Variants in MTHFD2L observed in about 807,000 individuals in gnomAD.
The protein encoded by MTHFD2L is methylenetetrahydrofolate dehydrogenase (NADP+ dependent) 2 like, also known as bifunctional methylenetetrahydrofolate dehydrogenase/cyclohydrolase 2, mitochondrial.
A neutral mutation model predicts 34.9 loss-of-function variants in MTHFD2L; 29 were observed. The observed-to-expected ratio is 0.83, with a 90% CI of 0.62 to 1.13. MTHFD2L has a LOEUF of 1.13. Ranked by LOEUF, MTHFD2L falls within the 50% of genes most tolerant of loss-of-function variation. The pLI is 0.00. For synonymous variants in MTHFD2L, 167 were observed against 155.7 expected (o/e 1.07, Z -0.54); for missense variants, 481 against 446.5 (o/e 1.08, Z -0.70).
intron 6 of MTHFD2L, among the ~76,000 whole-genome samples, chr4:74,233,658 G>A (rs1168448267): frequency 6.6e-6 from 1 of 151,984 alleles, no homozygotes; most frequent in Non-Finnish European, 1.5e-5. Context: ...AATATAGACT[G>A]TACAAAAACA....
At chr4:74,154,456 T>G (rs1004058911), upstream of MTHFD2L, among the ~76,000 whole-genome samples, 6 of 152,092 alleles carry the variant, frequency 3.9e-5, no homozygotes, top group Admixed American at 3.9e-4. Flanking sequence ...TCTCCCATAT[T>G]TATTTATTTA....
intron 7 of MTHFD2L, among the ~76,000 whole-genome samples, chr4:74,301,429 C>T (rs966098241): frequency 2.6e-5 from 4 of 151,836 alleles, no homozygotes; most frequent in Non-Finnish European, 5.9e-5. Flanking sequence ...TTATGTAAAA[C>T]AAACTGAGCT....
intron 1 of MTHFD2L, among the ~76,000 whole-genome samples, chr4:74,143,624 T>C (rs891745481): frequency 6.6e-6 from 1 of 152,184 alleles, no homozygotes; most frequent in Non-Finnish European, 1.5e-5. Context: ...AAATTTGGTT[T>C]GAAAAATGAA....
chr4:74,171,950 G>T (rs896707182), intron 1 of MTHFD2L, among the ~76,000 whole-genome samples: 1 of 151,736 alleles, frequency 6.6e-6, no homozygotes, highest in Non-Finnish European at 1.5e-5. Flanking sequence ...ACAAATATTG[G>T]TATATCCATA....
chr4:74,231,367 G>C (rs2110139812), intron 6 of MTHFD2L, among the ~76,000 whole-genome samples: 1 of 152,184 alleles, frequency 6.6e-6, no homozygotes, highest in African/African-American at 2.4e-5. Flanking sequence ...AAGTTCCAAG[G>C]GGTGGGGCAA....
chr4:74,281,367 A>G, intron 6 of MTHFD2L, 58 bp from the exon 7 acceptor site: 10 of 1,442,330 alleles, frequency 6.9e-6, no homozygotes, highest in Non-Finnish European at 7.4e-6. Context: ...AAAGCCTACC[A>G]AAACAGATAT....
At chr4:74,139,268 G>A (rs1723141124) in intron 1 of MTHFD2L, among the ~76,000 whole-genome samples, 1 of 152,120 alleles carries the variant, frequency 6.6e-6, no homozygotes, top group Non-Finnish European at 1.5e-5. Flanking sequence ...TACCCTAGGG[G>A]ATGGCTAGTG....
rs79793614 is a variant in MTHFD2L at position 74,158,805 on chromosome 4, C to T, written c.143+524C>T. Among the ~76,000 whole-genome samples the T allele has an allele frequency of 6.0e-3, 906 of 152,262 alleles. 29 individuals carry two copies. In the South Asian group the frequency reaches 0.082, roughly 14 times the overall value. On this transcript the variant is annotated intron_variant, in intron 1 of 7. Transcript: ENST00000325278. ...AGTCTTTTCATGTATGGCTCTCCCT[C>T]CCTAAACCTCTGTCAGGTGATGAGA...
intron 3 of MTHFD2L, among the ~76,000 whole-genome samples, chr4:74,187,564 A>G (rs1000032595): frequency 2.0e-5 from 3 of 152,190 alleles, no homozygotes; most frequent in Non-Finnish European, 4.4e-5. Context: ...TTAACAAGAT[A>G]CTACTGCAAA....
At chr4:74,222,127 C>T (rs1430799367) in intron 5 of MTHFD2L, among the ~76,000 whole-genome samples, 3 of 151,914 alleles carry the variant, frequency 2.0e-5, no homozygotes, top group Non-Finnish European at 4.4e-5. Context: ...ACATATTAGG[C>T]AGTCAACAAA....
At chr4:74,245,017 A>T (rs1282816208) in intron 6 of MTHFD2L, among the ~76,000 whole-genome samples, 1 of 151,880 alleles carries the variant, frequency 6.6e-6, no homozygotes, top group Non-Finnish European at 1.5e-5. Context: ...ACACAGTGAA[A>T]CCCCGTCTCT....
intron 1 of MTHFD2L, among the ~76,000 whole-genome samples, chr4:74,135,846 A>G (rs1722877068): frequency 6.6e-6 from 1 of 152,198 alleles, no homozygotes; most frequent in South Asian, 2.1e-4. Context: ...GTTATACACG[A>G]CATTAACAGA....
At chr4:74,161,107 G>A (rs1217155071) in intron 1 of MTHFD2L, 2 of 152,048 alleles carry the variant, frequency 1.3e-5, no homozygotes, top group Admixed American at 6.5e-5. Context: ...CTTTATGGAA[G>A]TTTCACCTTT....
At chr4:74,275,643 G>C (rs1039605385) in intron 6 of MTHFD2L, among the ~76,000 whole-genome samples, 3 of 151,906 alleles carry the variant, frequency 2.0e-5, no homozygotes, top group African/African-American at 7.2e-5. Flanking sequence ...CTTTCTGCCT[G>C]GTGTGAGATG....
chr4:74,293,463 CCTCT>C (rs1437257159), intron 7 of MTHFD2L: 3 of 914,004 alleles, frequency 3.3e-6, no homozygotes, highest in South Asian at 5.1e-5. Context: ...GGACAATAAT[CCTCT>C]CTATTTCATT....
At chr4:74,269,232 A>G (rs1745664044) in intron 6 of MTHFD2L, among the ~76,000 whole-genome samples, 1 of 152,284 alleles carries the variant, frequency 6.6e-6, no homozygotes, top group African/African-American at 2.4e-5. Flanking sequence ...TTTTGCCAGA[A>G]ATAAGTTGAT....
intron 1 of MTHFD2L, among the ~76,000 whole-genome samples, chr4:74,126,910 T>C (rs1312975570): frequency 6.6e-6 from 1 of 152,104 alleles, no homozygotes; most frequent in African/African-American, 2.4e-5. Context: ...TCCCCATGTG[T>C]CGAGGAAGGG....
At position 74,140,603 on chromosome 4, in the gene MTHFD2L, T is replaced by C. The variant is rs1026302414; in HGVS notation, c.-297+15086T>C. 1.1e-5 allele frequency: 10 copies of C among 917,080 alleles called. No individual in the cohort carries two copies. In the African/African-American group the frequency reaches 1.8e-4, roughly 16 times the overall value. 56.8% of individuals were successfully genotyped at this position (917,080 alleles called of 1,614,324 possible). A position where few individuals can be genotyped will look rare whatever the true frequency, so the allele number is the denominator to read the frequency against. On this transcript the variant is annotated intron_variant, in intron 1 of 7. Transcript: ENST00000433372. The stretch of plus-strand genomic sequence containing the variant: ...ATATAATTCAAGGACATTTTATTAG[T>C]CCATTCTCACACTGCTATAAGGACA...
At chr4:74,210,579 G>A (rs905883580) in intron 5 of MTHFD2L, among the ~76,000 whole-genome samples, 9 of 152,122 alleles carry the variant, frequency 5.9e-5, no homozygotes, top group African/African-American at 1.9e-4. Context: ...GTACCATGCT[G>A]TTTTTATTAC....
Sources: allele counts gnomAD v4.1 joint callset (sites outside exome capture counted in the v4.1 genomes callset), GRCh38; gene constraint gnomAD v4.1.1; transcripts MANE v1.5; gene names NCBI Gene and HGNC (gene_info 2026-07-23, HGNC 2026-07-21).